Variants in FHIT observed in about 807,000 individuals in gnomAD.
FHIT encodes the protein fragile histidine triad diadenosine triphosphatase.
In FHIT, 19 loss-of-function variants were observed where a neutral mutation model predicts 17.9. The observed-to-expected ratio is 1.06, with a 90% confidence interval of 0.74 to 1.56. The LOEUF (loss-of-function observed/expected upper bound fraction) is 1.56, where lower values mean the gene tolerates loss of function less well. FHIT is among the 40% of genes most tolerant of loss of function. The pLI is 0.00. For synonymous variants in FHIT, 81 were observed against 69.7 expected (o/e 1.16, Z -0.81); for missense variants, 248 against 189.2 (o/e 1.31, Z -1.82).
At chr3:61,158,491 C>T (rs1227482927) in intron 2 of FHIT, among the ~76,000 whole-genome samples, 1 of 152,208 alleles carries the variant, frequency 6.6e-6, no homozygotes, top group African/African-American at 2.4e-5. Flanking sequence ...GCTGCACTCA[C>T]ATGGGCATTT....
At chr3:60,859,723 ATTTTTTTTTTTTTTTTTTTTTTTTTTTTT>A (rs71092647) in intron 3 of FHIT, among the ~76,000 whole-genome samples, 6 of 51,926 alleles carry the variant, frequency 1.2e-4, no homozygotes, top group Middle Eastern at 0.018. Context: ...TCTGAATACG[ATTTTTTTTTTTTTTTTTTTTTTTTTTTTT>A]TTTTTTTTTT....
intron 4 of FHIT, among the ~76,000 whole-genome samples, chr3:60,792,833 C>CTTT (rs34640191): frequency 3.1e-4 from 44 of 144,190 alleles, no homozygotes; most frequent in African/African-American, 1.0e-3. Flanking sequence ...AAAACAATTT[C>CTTT]TTTTTTTTTT....
chr3:59,871,771 C>T (rs998436694), intron 8 of FHIT, among the ~76,000 whole-genome samples: 10 of 152,124 alleles, frequency 6.6e-5, no homozygotes, highest in African/African-American at 2.4e-4. Flanking sequence ...TTTCCTTTTC[C>T]ACATCCTTTA....
chr3:60,066,414 G>A (rs757880302), intron 5 of FHIT, among the ~76,000 whole-genome samples: 4 of 151,958 alleles, frequency 2.6e-5, no homozygotes, highest in Non-Finnish European at 5.9e-5. Context: ...CTGCTAATTA[G>A]AGCACTTTGT....
At chr3:60,928,825 A>C (rs1553770817) in intron 3 of FHIT, among the ~76,000 whole-genome samples, 1 of 152,198 alleles carries the variant, frequency 6.6e-6, no homozygotes, top group East Asian at 1.9e-4. Flanking sequence ...AAACTATTCC[A>C]ATCAATAGAA....
At chr3:60,287,902 T>C (rs1038021511) in intron 5 of FHIT, among the ~76,000 whole-genome samples, 1 of 139,834 alleles carries the variant, frequency 7.2e-6, no homozygotes, top group Non-Finnish European at 1.5e-5. Context: ...CAGTTATCTA[T>C]TGCTACTTGA....
intron 4 of FHIT, chr3:60,618,020 C>A (rs2107746000): frequency 4.7e-6 from 1 of 213,492 alleles, no homozygotes; most frequent in South Asian, 8.1e-5. Flanking sequence ...GGACATCAAG[C>A]ATCACTCTTC....
At position 60,073,971 on chromosome 3, in the gene FHIT, G is replaced by A. The variant is rs1363103158; in HGVS notation, c.104-59819C>T. Among the ~76,000 whole-genome samples, 2 of 152,112 alleles carry A rather than the reference G, an allele frequency of 1.3e-5. 1 individual carries two copies. The highest frequency in any genetic ancestry group is 2.9e-5 in the Non-Finnish European group (2 of 68,016). Reference sequence around the variant, plus strand: ...TCTTTACTTCTTATTCCTGAGAGGAGTATACTGTCACATTCCTTTGATATC... The same window carrying A: ...TCTTTACTTCTTATTCCTGAGAGGAATATACTGTCACATTCCTTTGATATC... On this transcript the variant is annotated intron_variant, in intron 5 of 9. Transcript: ENST00000492590.
intron 4 of FHIT, among the ~76,000 whole-genome samples, chr3:60,797,811 A>ATTAAATG (rs1701037190): frequency 6.6e-6 from 1 of 151,708 alleles, no homozygotes; most frequent in Non-Finnish European, 1.5e-5. Context: ...GAAATGTTTG[A>ATTAAATG]TTTAAATGTT....
chr3:60,975,149 A>G (rs1234186234), intron 3 of FHIT, among the ~76,000 whole-genome samples: 2 of 152,202 alleles, frequency 1.3e-5, no homozygotes, highest in African/African-American at 4.8e-5. Context: ...ACTGAGGATC[A>G]TACATTTCTA....
At chr3:60,919,911 G>A (rs1707191610) in intron 3 of FHIT, among the ~76,000 whole-genome samples, 1 of 152,058 alleles carries the variant, frequency 6.6e-6, no homozygotes, top group African/African-American at 2.4e-5. Context: ...GCATGTGCCT[G>A]TAGTCCCAGC....
chr3:60,970,069 C>G (rs1709936117), intron 3 of FHIT, among the ~76,000 whole-genome samples: 1 of 152,166 alleles, frequency 6.6e-6, no homozygotes, highest in African/African-American at 2.4e-5. Context: ...AGCGATCTGC[C>G]TGCCTCGGCC....
chr3:61,206,602 T>C (rs13321403), intron 1 of FHIT, among the ~76,000 whole-genome samples: 1 of 152,240 alleles, frequency 6.6e-6, no homozygotes, highest in African/African-American at 2.4e-5. Context: ...AGTTCACTCA[T>C]GATTTCACTC....
chr3:60,572,208 G>C (rs1345374348), intron 4 of FHIT, among the ~76,000 whole-genome samples: 1 of 152,090 alleles, frequency 6.6e-6, no homozygotes, highest in Non-Finnish European at 1.5e-5. Context: ...AGGCAGTACA[G>C]ACTGCTTTGA....
chr3:60,180,939 T>C (rs552889642), intron 5 of FHIT, among the ~76,000 whole-genome samples: 1 of 152,212 alleles, frequency 6.6e-6, no homozygotes, highest in African/African-American at 2.4e-5. Context: ...CATTTACTTA[T>C]ATTTGATAAT....
chr3:60,319,930 G>GA (rs1709345062), intron 5 of FHIT, among the ~76,000 whole-genome samples: 2 of 152,094 alleles, frequency 1.3e-5, no homozygotes, highest in African/African-American at 4.8e-5. Context: ...AGAAAAACAG[G>GA]AAAACGACCT....
At chr3:59,873,380 G>A (rs1398175800) in intron 8 of FHIT, among the ~76,000 whole-genome samples, 3 of 152,138 alleles carry the variant, frequency 2.0e-5, no homozygotes, top group Admixed American at 6.5e-5. Context: ...AAGACAGCAG[G>A]AAACAAACCA....
intron 3 of FHIT, among the ~76,000 whole-genome samples, chr3:60,833,490 C>A (rs1702407162): frequency 6.6e-6 from 1 of 152,210 alleles, no homozygotes; most frequent in African/African-American, 2.4e-5. Context: ...CAGTCCCTGG[C>A]CTTTTAAGGC....
At chr3:61,114,363 T>A (rs958360375) in intron 2 of FHIT, among the ~76,000 whole-genome samples, 1 of 152,212 alleles carries the variant, frequency 6.6e-6, no homozygotes, top group Non-Finnish European at 1.5e-5. Context: ...ACATTTTGTC[T>A]TATTAACATT....
Sources: gnomAD v4.1 joint callset for allele counts (sites outside exome capture counted in the v4.1 genomes callset) on GRCh38, gnomAD v4.1.1 for gene constraint, MANE v1.5 for transcripts, NCBI Gene and HGNC (gene_info 2026-07-23, HGNC 2026-07-21) for gene names.